Variants in TEX15 observed in about 807,000 individuals in gnomAD.
The protein encoded by TEX15 is testis expressed 15, meiosis and synapsis associated, also known as testis-expressed protein 15.
A neutral mutation model predicts 237.3 loss-of-function variants in TEX15; 171 were observed. The observed-to-expected ratio is 0.72, with a 90% CI of 0.64 to 0.82. The LOEUF (loss-of-function observed/expected upper bound fraction) is 0.82, where lower values mean the gene tolerates loss of function less well. Among genes scored for constraint, TEX15 ranks in the 40% least tolerant of loss-of-function variants. The pLI, the probability that TEX15 is intolerant of heterozygous loss-of-function variation, is 0.00. For missense variants in TEX15, 3,750 were observed against 3,646.5 expected (o/e 1.03, Z -0.73); for synonymous variants, 1,338 against 1,269.8 (o/e 1.05, Z -1.14).
In TEX15 at chr8:30,860,025, A is replaced by G; in HGVS notation, c.573T>C (p.Pro191=). 1.3e-6 allele frequency: 2 copies of G among 1,492,646 alleles called. No individual in the cohort carries two copies. The highest frequency in any genetic ancestry group is 1.8e-6 in the Non-Finnish European group (2 of 1,131,920). 92.5% of individuals were successfully genotyped at this position (1,492,646 alleles called of 1,614,324 possible). ...AAGAAACTTTATTTTTATCCACAGAAGGTTGGATTTTCTTCACTTTTCCAA... is the reference window on the plus strand; with the variant it reads ...AAGAAACTTTATTTTTATCCACAGAGGGTTGGATTTTCTTCACTTTTCCAA... The part of the protein sequence containing the change: ...VLFGKVKKIQ[P]SVDKNKVSLD... Residue 191 remains proline (P), a synonymous_variant, in exon 6 of 11, where the codon CCT becomes CCC. Coordinates refer to ENST00000643185, the MANE Select transcript of TEX15 (RefSeq NM_001350162.2).
In TEX15 at chr8:30,846,399, C is replaced by T. The variant is rs754144391; in HGVS notation, c.3768G>A (p.Gln1256=). The T allele has an allele frequency of 4.5e-5, 73 of 1,613,218 alleles. No homozygotes were observed. Among genetic ancestry groups the T allele is most frequent in the Non-Finnish European group, 5.9e-6 (7 of 1,179,694 alleles). ...GTTCAGTAAACAAAGATTCACTGTT[C>T]TGATTTTCAGACGTATGATTCACAT... ...NTDVNHTSEN[Q]NSESLFTEPS... is the part of the protein sequence containing the mutation. Residue 1256 remains glutamine, a synonymous_variant, in exon 8 of 11, where the codon CAG becomes CAA. Transcript: ENST00000643185.
At chr8:30,905,808 G>A (rs1424380415) in intron 1 of TEX15, among the ~76,000 whole-genome samples, 2 of 151,688 alleles carry the variant, frequency 1.3e-5, no homozygotes, top group Non-Finnish European at 1.5e-5. Flanking sequence ...GGATGCTGAG[G>A]TGGGAGGATT....
chr8:30,848,082 T>G lies in TEX15; in HGVS notation c.2085A>C (p.Thr695=). The change falls in exon 8 of 11, where the codon ACA becomes ACC. Residue 695 remains threonine (T), a synonymous_variant. Coordinates refer to ENST00000643185, the MANE Select transcript of TEX15 (RefSeq NM_001350162.2). ...TQELEITKSS[T]STIKDKDELD... ...GTTCATCCTTATCCTTTATGGTAGATGTAGAAGATTTTGTTATTTCTAACT... is the reference window on the plus strand; with the variant it reads ...GTTCATCCTTATCCTTTATGGTAGAGGTAGAAGATTTTGTTATTTCTAACT... The G allele has an allele frequency of 6.2e-7, 1 of 1,611,518 alleles. No homozygotes were observed. The highest frequency in any genetic ancestry group is 8.5e-7 in the Non-Finnish European group (1 of 1,178,818).
chr8:30,854,609 A>C (rs1463993144), intron 7 of TEX15, among the ~76,000 whole-genome samples: 1 of 152,108 alleles, frequency 6.6e-6, no homozygotes, highest in Non-Finnish European at 1.5e-5. Flanking sequence ...CCAAAAAATA[A>C]AAGAGGAGAG....
chr8:30,858,944 T>G, intron 6 of TEX15, 114 bp from the exon 7 acceptor site: 1 of 652,234 alleles, frequency 1.5e-6, no homozygotes, highest in Non-Finnish European at 2.3e-6. Flanking sequence ...CCATATAAAC[T>G]TCTCCAGCTG....
Position 30,845,591 on chromosome 8 carries a change from G to A in TEX15, c.4576C>T (p.Gln1526Ter). Reference sequence around the variant, plus strand: ...TAATAAACTGACTGACTTGTACTTTGGGATGTGGAGGATACAGGCAACTGT... The same window carrying A: ...TAATAAACTGACTGACTTGTACTTTAGGATGTGGAGGATACAGGCAACTGT... Reference protein sequence around the residue: ...ESQLPVSSTSQSTSQSVYYNS... With the variant: ...ESQLPVSSTS The change falls in exon 8 of 11, where the codon CAA becomes TAA. Residue 1526 changes from glutamine (Q) to a stop codon, truncating the protein, a stop_gained. Transcript: ENST00000643185. LOFTEE classifies it high-confidence loss of function. 1 of 1,613,560 alleles carries A rather than the reference G, an allele frequency of 6.2e-7. No individual in the cohort carries two copies. Among genetic ancestry groups the A allele is most frequent in the Non-Finnish European group, 8.5e-7 (1 of 1,179,580 alleles).
chr8:30,871,204 G>A (rs747713702), intron 4 of TEX15, among the ~76,000 whole-genome samples: 16 of 151,950 alleles, frequency 1.1e-4, no homozygotes, highest in Non-Finnish European at 1.8e-4. Flanking sequence ...AATCACACCT[G>A]CAAAGTCCTT....
intron 3 of TEX15, among the ~76,000 whole-genome samples, chr8:30,882,013 ACTTC>A (rs1036604181): frequency 6.6e-6 from 1 of 152,124 alleles, no homozygotes; most frequent in Non-Finnish European, 1.5e-5. Flanking sequence ...AGTGCTATGA[ACTTC>A]CTTGTTAGCA....
intron 9 of TEX15, among the ~76,000 whole-genome samples, chr8:30,838,695 TATAC>T (rs1425638814): frequency 2.5e-4 from 10 of 40,378 alleles, no homozygotes; most frequent in East Asian, 7.4e-4. Context: ...TAATTATATA[TATAC>T]ACACACACAC....
chr8:30,887,905 T>C (rs1180160922), intron 2 of TEX15: 1 of 97,304 alleles, frequency 1.0e-5, no homozygotes, highest in African/African-American at 4.6e-5. Context: ...TATATATATA[T>C]ATATATATAT....
chr8:30,846,641 C>G lies in TEX15; in HGVS notation c.3526G>C (p.Ala1176Pro). The change falls in exon 8 of 11, where the codon GCA (alanine) becomes CCA (proline). Residue 1176 changes from alanine (A) to proline (P), a missense_variant. Transcript: ENST00000643185. Reference protein sequence around the residue: ...PGFSPTADSLALKDSFCTHVT... With the variant: ...PGFSPTADSLPLKDSFCTHVT... ...TGTGTGCAAAAACTATCTTTCAATGCAAGGGAGTCAGCTGTCGGGCTGAAT... is the reference window on the plus strand; with the variant it reads ...TGTGTGCAAAAACTATCTTTCAATGGAAGGGAGTCAGCTGTCGGGCTGAAT... 1 of 1,613,850 alleles carries G rather than the reference C, an allele frequency of 6.2e-7. No individual in the cohort carries two copies.
At chr8:30,870,688 G>A (rs1808273901) in intron 4 of TEX15, among the ~76,000 whole-genome samples, 1 of 151,946 alleles carries the variant, frequency 6.6e-6, no homozygotes, top group Admixed American at 6.6e-5. Flanking sequence ...GAACCAAAAC[G>A]CTGACAGCTA....
In TEX15 at chr8:30,843,026, A is replaced by G. The variant is rs750392262; in HGVS notation, c.7141T>C (p.Phe2381Leu). Reference sequence around the variant, plus strand: ...TCCTGTAATTTTTTAAGGTCTGCAAATTCAGCCTGATCCAATATCTCACTA... The same window carrying G: ...TCCTGTAATTTTTTAAGGTCTGCAAGTTCAGCCTGATCCAATATCTCACTA... ...CISEILDQAE[F>L]ADLKKLQDLT... Residue 2381 changes from phenylalanine to leucine, a missense_variant, in exon 8 of 11, where the codon TTT becomes CTT. Transcript: ENST00000643185. 7 of 1,613,556 alleles carry G rather than the reference A, an allele frequency of 4.3e-6. No homozygotes were observed. In the South Asian group the frequency reaches 7.7e-5, roughly 18 times the overall value.
At chr8:30,893,141 T>G (rs968105456) in intron 2 of TEX15, among the ~76,000 whole-genome samples, 2 of 152,012 alleles carry the variant, frequency 1.3e-5, no homozygotes, top group African/African-American at 4.8e-5. Flanking sequence ...TATATACTGA[T>G]CCATTTAATC....
intron 6 of TEX15, among the ~76,000 whole-genome samples, chr8:30,859,121 CTA>C (rs1157520647): frequency 3.3e-5 from 5 of 151,992 alleles, no homozygotes; most frequent in African/African-American, 4.8e-5. Context: ...TTCAACTACT[CTA>C]TTTTATTTGG....
intron 1 of TEX15, among the ~76,000 whole-genome samples, chr8:30,906,938 T>C (rs1178350399): frequency 1.3e-5 from 2 of 151,540 alleles, no homozygotes; most frequent in African/African-American, 4.8e-5. Context: ...CTTAAAACAA[T>C]TTTTTTTTCT....
In TEX15 at chr8:30,844,936, GT is replaced by G. The variant is rs1324406833; in HGVS notation, c.5230del (p.Thr1744LeufsTer2). 6.2e-7 allele frequency: 1 copy of G among 1,613,340 alleles called. No individual in the cohort carries two copies. The highest frequency in any genetic ancestry group is 1.3e-5 in the African/African-American group (1 of 74,890). Reference sequence around the variant, plus strand: ...ACTGGATGCTGCAAAAGAATCTACAGTAAGAATTCTCTGCTTATCCAAGTAA... The same window carrying G: ...ACTGGATGCTGCAAAAGAATCTACAGAAGAATTCTCTGCTTATCCAAGTAA... ...KSYLDKQRIL[T>X]VDSFAASSTV... On this transcript the variant is annotated frameshift_variant, in exon 8 of 11. Transcript: ENST00000643185. LOFTEE classifies it high-confidence loss of function.
chr8:30,879,453 G>A (rs969555036), intron 3 of TEX15, among the ~76,000 whole-genome samples: 6 of 152,146 alleles, frequency 3.9e-5, no homozygotes, highest in African/African-American at 1.4e-4. Context: ...ATTATTTTTT[G>A]CATGAGGTTA....
chr8:30,875,047 A>G lies in TEX15; in HGVS notation c.192T>C (p.Thr64=). 7.5e-7 allele frequency: 1 copy of G among 1,339,620 alleles called. No individual in the cohort carries two copies. The highest frequency in any genetic ancestry group is 9.6e-7 in the Non-Finnish European group (1 of 1,042,702). 83.0% of individuals were successfully genotyped at this position (1,339,620 alleles called of 1,614,324 possible). A position where few individuals can be genotyped will look rare whatever the true frequency, so the allele number is the denominator to read the frequency against. ...TTACATCAAGCCTGCACTGGTTAAG[A>G]GTATCATGTATAAAACTATACTCTC... The part of the protein sequence containing the change: ...NSREYSFIHD[T]LNQCRLDVNC... The change falls in exon 4 of 11, where the codon ACT becomes ACC. Residue 64 remains threonine, a synonymous_variant. Transcript: ENST00000643185.
Sources: gnomAD v4.1 joint callset for allele counts (sites outside exome capture counted in the v4.1 genomes callset) on GRCh38, gnomAD v4.1.1 for gene constraint, MANE v1.5 for transcripts, NCBI Gene and HGNC (gene_info 2026-07-23, HGNC 2026-07-21) for gene names.